DNAH9: variants seen among roughly 807,000 people sequenced by gnomAD.
The protein encoded by DNAH9 is dynein axonemal heavy chain 9, also known as DNAH9 variant protein.
Under a neutral mutation model 471.6 loss-of-function variants are expected in DNAH9, and 345 were observed. The observed-to-expected ratio is 0.73, with a 90% CI of 0.67 to 0.80. The LOEUF (loss-of-function observed/expected upper bound fraction) is 0.80. Among genes scored for constraint, DNAH9 ranks in the 30% least tolerant of loss-of-function variants. DNAH9 has a pLI of 0.00. For synonymous variants in DNAH9, 2,093 were observed against 2,123.6 expected (o/e 0.99, Z 0.40); for missense variants, 5,407 against 5,609.2 (o/e 0.96, Z 1.15).
chr17:11,798,457 AAGAGAG>A lies in DNAH9; in HGVS notation c.8420+680_8420+685del, dbSNP rs1166706295. On this transcript the variant is annotated intron_variant, in intron 43 of 68. Transcript: ENST00000262442. ...CAAAAAAAAAAAAAAAAAAAAAAAA[AAGAGAG>A]AGAGAGAGAGAGAGATAGAGGGTTT... Among the ~76,000 whole-genome samples, 195 of 130,092 alleles carry A rather than the reference AAGAGAG, an allele frequency of 1.5e-3. 2 individuals are homozygous for A. Among genetic ancestry groups the A allele is most frequent in the East Asian group, 4.2e-3 (18 of 4,316 alleles). 85.3% of individuals were successfully genotyped at this position (130,092 alleles called of 152,430 possible).
rs1315409186 is a variant in DNAH9 at position 11,669,602 on chromosome 17, T to C, written c.3161T>C (p.Leu1054Pro). 3.7e-6 allele frequency: 6 copies of C among 1,614,142 alleles called. No homozygotes were observed. The highest frequency in any genetic ancestry group is 3.4e-6 in the Non-Finnish European group (4 of 1,180,014). The change falls in exon 17 of 69, where the codon CTC becomes CCC. Residue 1054 changes from leucine (L) to proline (P), a missense_variant. By Grantham distance (98) the Leu-to-Pro change is moderately conservative. Around this residue, in one of 3 missense-constraint regions of DNAH9, gnomAD observed 4,636 missense variants for 4,900.3 expected, o/e 0.95. Transcript: ENST00000262442. Reference protein sequence around the residue: ...VEDGIPENPPLLSQFKVQIDS... With the variant: ...VEDGIPENPPPLSQFKVQIDS... ...GATGGCATCCCAGAGAACCCTCCCC[T>C]CCTTTCTCAGTTTAAAGTGCAAATC...
intron 66 of DNAH9, among the ~76,000 whole-genome samples, chr17:11,940,398 T>C (rs945704422): frequency 1.2e-4 from 18 of 152,212 alleles, no homozygotes; most frequent in Non-Finnish European, 2.4e-4. Context: ...TCTTTTCGTC[T>C]CTTTGTAAAT....
At chr17:11,916,652 C>G (rs1973968180) in intron 61 of DNAH9, among the ~76,000 whole-genome samples, 1 of 152,220 alleles carries the variant, frequency 6.6e-6, no homozygotes, top group Non-Finnish European at 1.5e-5. Flanking sequence ...GTGTATCACA[C>G]AGTTCACTGT....
At chr17:11,857,871 C>T (rs1971682847) in intron 50 of DNAH9, among the ~76,000 whole-genome samples, 1 of 152,172 alleles carries the variant, frequency 6.6e-6, no homozygotes, top group Non-Finnish European at 1.5e-5. Flanking sequence ...TGATGTGCTC[C>T]TGCTTTGCCT....
intron 19 of DNAH9, among the ~76,000 whole-genome samples, chr17:11,685,529 A>G (rs1007542126): frequency 6.6e-6 from 1 of 152,154 alleles, no homozygotes; most frequent in African/African-American, 2.4e-5. Flanking sequence ...GCTCAATGGG[A>G]GAGTGGTTCC....
chr17:11,703,188 T>G (rs2074635189), intron 24 of DNAH9, among the ~76,000 whole-genome samples: 2 of 148,540 alleles, frequency 1.3e-5, no homozygotes, highest in Admixed American at 6.7e-5. Context: ...GAGAAAGGAG[T>G]CCACACTGCA....
At chr17:11,882,513 C>T (rs1483970335) in intron 55 of DNAH9, among the ~76,000 whole-genome samples, 6 of 152,090 alleles carry the variant, frequency 3.9e-5, no homozygotes, top group East Asian at 3.9e-4. Flanking sequence ...CCTGGGACTC[C>T]GCTTCCTGCA....
At position 11,629,585 on chromosome 17, in the gene DNAH9, G is replaced by C. The variant is rs1241982006; in HGVS notation, c.1518+1G>C. ...CGACTGCCTGTACCTCCAAAGCACG[G>C]TAGGGTTGGGAAGGGCTGAATCGCC... On this transcript the variant is annotated splice_donor_variant, in intron 7 of 68. Coordinates refer to ENST00000262442, the MANE Select transcript of DNAH9 (RefSeq NM_001372.4). LOFTEE classifies it high-confidence loss of function. 2 of 1,612,660 alleles carry C rather than the reference G, an allele frequency of 1.2e-6. No homozygotes were observed. The highest frequency in any genetic ancestry group is 2.2e-5 in the South Asian group (2 of 90,956).
intron 38 of DNAH9, among the ~76,000 whole-genome samples, chr17:11,769,933 A>G (rs1327080031): frequency 6.6e-6 from 1 of 152,184 alleles, no homozygotes; most frequent in Admixed American, 6.5e-5. Flanking sequence ...CTCCTTTTTT[A>G]TGGAAACAAC....
intron 67 of DNAH9, among the ~76,000 whole-genome samples, chr17:11,952,197 T>TG (rs1555529142): frequency 3.4e-5 from 5 of 147,100 alleles, no homozygotes; most frequent in Middle Eastern, 3.7e-3. Flanking sequence ...TGGAGTTCAG[T>TG]GGCATGATCT....
chr17:11,694,046 C>A, intron 21 of DNAH9, 48 bp downstream of exon 21: 1 of 1,599,790 alleles, frequency 6.3e-7, no homozygotes, highest in Non-Finnish European at 8.5e-7. Context: ...GCATCATTTC[C>A]TTTTCCCCAT....
At chr17:11,649,125 C>T (rs1420795584) in intron 12 of DNAH9, among the ~76,000 whole-genome samples, 4 of 125,132 alleles carry the variant, frequency 3.2e-5, no homozygotes, top group Non-Finnish European at 7.0e-5. Context: ...GAAACTCCAT[C>T]TCAAAAAAAA....
At chr17:11,807,945 C>G (rs775679625) in intron 44 of DNAH9, 51 bp downstream of exon 44, 30 of 1,548,100 alleles carry the variant, frequency 1.9e-5, no homozygotes, top group African/African-American at 6.8e-5. Flanking sequence ...CTCCAACCAG[C>G]CACAGTTCCA....
intron 49 of DNAH9, among the ~76,000 whole-genome samples, chr17:11,835,769 G>A (rs11651986): frequency 0.46 from 69,126 of 151,916 alleles, 16,098 homozygotes; most frequent in Non-Finnish European, 0.51. Flanking sequence ...GAGTCTGGCA[G>A]TTCCCTTTCT....
chr17:11,726,563 T>TCAGGAG (rs1307919950), intron 27 of DNAH9, among the ~76,000 whole-genome samples: 6 of 152,230 alleles, frequency 3.9e-5, no homozygotes, highest in Non-Finnish European at 7.3e-5. Flanking sequence ...AACTGATCAC[T>TCAGGAG]CAGGAGCACT....
chr17:11,699,965 A>C, intron 23 of DNAH9, 82 bp downstream of exon 23: 2 of 1,446,442 alleles, frequency 1.4e-6, no homozygotes, highest in East Asian at 4.6e-5. Context: ...CAACTCTAGG[A>C]GGGCCTTTCT....
At chr17:11,853,450 A>G (rs1475525410) in intron 49 of DNAH9, among the ~76,000 whole-genome samples, 1 of 152,146 alleles carries the variant, frequency 6.6e-6, no homozygotes, top group East Asian at 1.9e-4. Context: ...CAAAGGACAA[A>G]CCCAGGACCA....
At chr17:11,881,646 T>C (rs922449356) in intron 55 of DNAH9, among the ~76,000 whole-genome samples, 2 of 152,186 alleles carry the variant, frequency 1.3e-5, no homozygotes, top group African/African-American at 2.4e-5. Context: ...TGGTGGCTCA[T>C]GCCTATAATC....
intron 13 of DNAH9, among the ~76,000 whole-genome samples, chr17:11,652,008 GATT>G (rs371233156): frequency 2.7e-3 from 410 of 152,124 alleles, no homozygotes; most frequent in African/African-American, 9.2e-3. Context: ...GAAAAAAAAA[GATT>G]ATAGTTGATT....
Sources: allele counts gnomAD v4.1 joint callset (sites outside exome capture counted in the v4.1 genomes callset), GRCh38; gene constraint gnomAD v4.1.1; regional missense constraint gnomAD v4.1.1; transcripts MANE v1.5; gene names NCBI Gene and HGNC (gene_info 2026-07-23, HGNC 2026-07-21).